LRRIQ3: variants seen among roughly 807,000 people sequenced by gnomAD.
LRRIQ3 encodes the protein leucine rich repeats and IQ motif containing 3, also known as leucine-rich repeat and IQ domain-containing protein 3.
A neutral mutation model predicts 59.3 loss-of-function variants in LRRIQ3; 75 were observed. The ratio of observed to expected loss-of-function variants is 1.26; its 90% CI spans 1.05 to 1.53. LRRIQ3 has a LOEUF of 1.53. LRRIQ3 is among the 40% of genes most tolerant of loss of function. The pLI, the probability that LRRIQ3 is intolerant of heterozygous loss-of-function variation, is 0.00. For missense variants in LRRIQ3, 831 were observed against 710.0 expected (o/e 1.17, Z -1.94); for synonymous variants, 250 against 231.3 (o/e 1.08, Z -0.73).
intron 3 of LRRIQ3, among the ~76,000 whole-genome samples, chr1:74,168,050 A>T (rs1649095774): frequency 6.6e-6 from 1 of 152,004 alleles, no homozygotes; most frequent in Non-Finnish European, 1.5e-5. Flanking sequence ...AAAAGAATGT[A>T]TATTTTGCTG....
intron 6 of LRRIQ3, among the ~76,000 whole-genome samples, chr1:74,066,111 G>A (rs1259741996): frequency 6.6e-6 from 1 of 151,112 alleles, no homozygotes; most frequent in Non-Finnish European, 1.5e-5. Flanking sequence ...ACTTGAACCC[G>A]GGAGGCAGAG....
chr1:74,090,100 T>G (rs1260007663), intron 5 of LRRIQ3, among the ~76,000 whole-genome samples: 1 of 152,070 alleles, frequency 6.6e-6, no homozygotes, highest in Non-Finnish European at 1.5e-5. Flanking sequence ...TTTTACTGTT[T>G]GATAAAACTG....
chr1:74,193,594 T>C (rs1007466934), intron 1 of LRRIQ3, among the ~76,000 whole-genome samples: 1 of 152,134 alleles, frequency 6.6e-6, no homozygotes, highest in African/African-American at 2.4e-5. Flanking sequence ...ATGTGATACA[T>C]AATAAATATT....
chr1:74,037,228 G>C (rs527262532), intron 7 of LRRIQ3, among the ~76,000 whole-genome samples: 1 of 152,248 alleles, frequency 6.6e-6, no homozygotes. Context: ...ATTTTCTTGA[G>C]GGGGTGGGGC....
chr1:74,144,788 T>C (rs948468984), intron 4 of LRRIQ3, among the ~76,000 whole-genome samples: 1 of 151,830 alleles, frequency 6.6e-6, no homozygotes, highest in African/African-American at 2.4e-5. Flanking sequence ...CTGCGGACTA[T>C]AGTTTCCCAA....
chr1:74,108,260 G>T (rs1475070990), intron 5 of LRRIQ3, among the ~76,000 whole-genome samples: 2 of 151,726 alleles, frequency 1.3e-5, no homozygotes, highest in African/African-American at 4.8e-5. Context: ...AAAGCAGGTG[G>T]TATGCTCTGA....
At position 74,041,397 on chromosome 1, in the gene LRRIQ3, C is replaced by A. The variant is rs751491508; in HGVS notation, c.1534G>T (p.Ala512Ser). The A allele has an allele frequency of 1.1e-5, 18 of 1,613,570 alleles. No individual in the cohort carries two copies. Among genetic ancestry groups the A allele is most frequent in the Non-Finnish European group, 1.3e-5 (15 of 1,179,884 alleles). The change falls in exon 7 of 8, where the codon GCT becomes TCT. Residue 512 changes from alanine (A) to serine (S), a missense_variant. Ala to Ser is a moderately conservative substitution (Grantham distance 99). Transcript: ENST00000354431. ...TTTTGAACTAATAAACGCTCTGAAG[C>A]CTTTTGGGATTTTTCTTTTAGAAAC... ...ALFLKEKSQKASERLLVQNLN... is the reference protein window; with the variant it reads ...ALFLKEKSQKSSERLLVQNLN...
In LRRIQ3 at chr1:74,155,774, A is replaced by C; in HGVS notation, c.666T>G (p.Val222=). Residue 222 remains valine, a synonymous_variant, in exon 4 of 8, where the codon GTT becomes GTG. Transcript: ENST00000354431. Reference sequence around the variant, plus strand: ...CTAAGAAACCACGTATCCATCTTTGAACAATCAAAACTGGTGAATTATGAG... The same window carrying C: ...CTAAGAAACCACGTATCCATCTTTGCACAATCAAAACTGGTGAATTATGAG... ...ILAHNSPVLI[V]QRWIRGFLVR... The C allele has an allele frequency of 6.3e-7, 1 of 1,583,764 alleles. No homozygotes were observed. Among genetic ancestry groups the C allele is most frequent in the Non-Finnish European group, 8.6e-7 (1 of 1,169,200 alleles).
intron 7 of LRRIQ3, among the ~76,000 whole-genome samples, chr1:74,033,813 T>C (rs1653790364): frequency 6.6e-6 from 1 of 151,988 alleles, no homozygotes; most frequent in African/African-American, 2.4e-5. Context: ...AAGTTGAAGA[T>C]GATGTAATTG....
At chr1:74,155,578 GTC>G (rs1648269907) in intron 4 of LRRIQ3, 153 bp downstream of exon 4, 1 of 519,556 alleles carries the variant, frequency 1.9e-6, no homozygotes, top group African/African-American at 2.0e-5. Context: ...TTACTATAGA[GTC>G]TGTGGTATTT....
At chr1:74,137,491 G>A (rs1164706983) in intron 4 of LRRIQ3, among the ~76,000 whole-genome samples, 1 of 152,168 alleles carries the variant, frequency 6.6e-6, no homozygotes, top group African/African-American at 2.4e-5. Context: ...TTACACCATT[G>A]GTGGGAGTGT....
intron 3 of LRRIQ3, among the ~76,000 whole-genome samples, chr1:74,169,618 T>G (rs1444867884): frequency 2.6e-5 from 4 of 152,010 alleles, no homozygotes; most frequent in Non-Finnish European, 1.5e-5. Context: ...CTGGCAAAAT[T>G]GTAGCTCATT....
intron 6 of LRRIQ3, among the ~76,000 whole-genome samples, chr1:74,066,815 T>C (rs1244957036): frequency 6.6e-6 from 1 of 152,130 alleles, no homozygotes; most frequent in Non-Finnish European, 1.5e-5. Flanking sequence ...TTCTTGCTCA[T>C]TCAAACCTAA....
Position 74,118,139 on chromosome 1 carries a change from A to G in LRRIQ3, c.708-8586T>C, listed in dbSNP as rs571482616. Among the ~76,000 whole-genome samples, 4 of 152,236 alleles carry G rather than the reference A, an allele frequency of 2.6e-5. No individual in the cohort carries two copies. The South Asian group carries it at 8.3e-4, about 32-fold the overall frequency. ...ATACCCTTTTTTGTAAAATAAAAAT[A>G]CACTCACATGTATATGTACACATTT... On this transcript the variant is annotated intron_variant, in intron 4 of 7. Coordinates refer to ENST00000354431, the MANE Select transcript of LRRIQ3 (RefSeq NM_001105659.2).
chr1:74,068,760 A>T (rs1366897162), intron 6 of LRRIQ3, among the ~76,000 whole-genome samples: 3 of 151,932 alleles, frequency 2.0e-5, no homozygotes, highest in Non-Finnish European at 4.4e-5. Flanking sequence ...ATCTGGAGTA[A>T]TTTAGTTGAT....
intron 1 of LRRIQ3, among the ~76,000 whole-genome samples, chr1:74,192,439 C>T (rs1650826362): frequency 6.6e-6 from 1 of 152,046 alleles, no homozygotes; most frequent in South Asian, 2.1e-4. Flanking sequence ...CAAATCTTAT[C>T]CGAAATATGT....
At chr1:74,109,924 A>G (rs1375029875) in intron 4 of LRRIQ3, among the ~76,000 whole-genome samples, 3 of 151,794 alleles carry the variant, frequency 2.0e-5, no homozygotes, top group Admixed American at 1.3e-4. Flanking sequence ...AACTTTTTAA[A>G]TGAGGTAACA....
intron 3 of LRRIQ3, among the ~76,000 whole-genome samples, chr1:74,164,693 C>T (rs1648868859): frequency 6.6e-6 from 1 of 151,418 alleles, no homozygotes; most frequent in Non-Finnish European, 1.5e-5. Flanking sequence ...ATCATTTATT[C>T]CTTTTACAAA....
At chr1:74,027,475 A>G (rs2100347057) in intron 7 of LRRIQ3, among the ~76,000 whole-genome samples, 1 of 152,236 alleles carries the variant, frequency 6.6e-6, no homozygotes, top group South Asian at 2.1e-4. Context: ...CAGAGATGTG[A>G]GTGTACAGAA....
Sources: allele counts gnomAD v4.1 joint callset (sites outside exome capture counted in the v4.1 genomes callset), GRCh38; gene constraint gnomAD v4.1.1; transcripts MANE v1.5; gene names NCBI Gene and HGNC (gene_info 2026-07-23, HGNC 2026-07-21).